KLHL5: variants seen among roughly 807,000 people sequenced by gnomAD.
KLHL5 encodes kelch like family member 5, also known as kelch-like protein 5.
In KLHL5, 48 loss-of-function variants were observed where a neutral mutation model predicts 77.7. The ratio of observed to expected loss-of-function variants is 0.62; its 90% CI spans 0.49 to 0.79. The LOEUF is 0.79. Among genes scored for constraint, KLHL5 ranks in the 30% least tolerant of loss-of-function variants. The pLI is 0.00. For synonymous variants in KLHL5, 260 were observed against 297.0 expected (o/e 0.88, Z 1.28); for missense variants, 723 against 859.7 (o/e 0.84, Z 1.99).
intron 4 of KLHL5, among the ~76,000 whole-genome samples, chr4:39,086,140 G>A (rs1720016852): frequency 1.3e-5 from 2 of 152,044 alleles, no homozygotes; most frequent in Admixed American, 1.3e-4. Context: ...AATCCAAACC[G>A]CAAATCCACC....
In KLHL5 at chr4:39,096,714, A is replaced by G; in HGVS notation, c.1136A>G (p.Asn379Ser). Residue 379 changes from asparagine to serine, a missense_variant, in exon 6 of 11, where the codon AAT (asparagine) becomes AGT (serine). Asn to Ser is a conservative substitution (Grantham distance 46). Coordinates refer to ENST00000504108, the MANE Select transcript of KLHL5 (RefSeq NM_015990.5). ...APQFLADMEN[N>S]VLFRDDIECQ... is the part of the protein sequence containing the mutation. ...TAGTTCCTGGCAGACATGGAAAATAATGTACTTTTTCGGGATGATATAGAA... is the reference window on the plus strand; with the variant it reads ...TAGTTCCTGGCAGACATGGAAAATAGTGTACTTTTTCGGGATGATATAGAA... 3 of 1,612,416 alleles carry G rather than the reference A, an allele frequency of 1.9e-6. No homozygotes were observed. Among genetic ancestry groups the G allele is most frequent in the Non-Finnish European group, 2.5e-6 (3 of 1,178,552 alleles).
At chr4:39,060,404 G>C (rs1247592469), upstream of KLHL5, among the ~76,000 whole-genome samples, 1 of 151,756 alleles carries the variant, frequency 6.6e-6, no homozygotes, top group Non-Finnish European at 1.5e-5. Flanking sequence ...CACACTCAAT[G>C]CCTATAGCAC....
At chr4:39,130,450 C>T (rs942243826), downstream of KLHL5, among the ~76,000 whole-genome samples, 26 of 152,276 alleles carry the variant, frequency 1.7e-4, no homozygotes, top group African/African-American at 5.5e-4. Context: ...CCAGTGTGGG[C>T]GTTATGGCCA....
the KLHL5 span, among the ~76,000 whole-genome samples, chr4:39,137,470 A>C: frequency 1.3e-5 from 2 of 152,106 alleles, no homozygotes; most frequent in Admixed American, 1.3e-4. Context: ...AAAATAAATA[A>C]AAAATTATCT....
intron 4 of KLHL5, among the ~76,000 whole-genome samples, chr4:39,083,599 C>T (rs1028829845): frequency 6.6e-6 from 1 of 152,098 alleles, no homozygotes; most frequent in Non-Finnish European, 1.5e-5. Context: ...TTTTTTCCCT[C>T]GGTCTTTATC....
Position 39,103,269 on chromosome 4 carries a change from CTA to C in KLHL5, c.1301-12_1301-11del, listed in dbSNP as rs772475708. 1 of 1,558,602 alleles carries C rather than the reference CTA, an allele frequency of 6.4e-7. No individual in the cohort carries two copies. The highest frequency in any genetic ancestry group is 8.8e-7 in the Non-Finnish European group (1 of 1,139,304). ...GGTATAATTTCTATTTACATAACTT[CTA>C]TATATTACTATGAAGGAGCAACAAG... On this transcript the variant is annotated splice_polypyrimidine_tract_variant and intron_variant, in intron 6 of 10. Coordinates refer to ENST00000504108, the MANE Select transcript of KLHL5 (RefSeq NM_015990.5).
chr4:39,063,117 T>A, intron 1 of KLHL5, 82 bp downstream of exon 1: 1 of 970,594 alleles, frequency 1.0e-6, no homozygotes, highest in African/African-American at 1.7e-5. Context: ...ATTTATTATT[T>A]AAAATCTGAT....
upstream of KLHL5, among the ~76,000 whole-genome samples, chr4:39,058,204 A>T (rs972339995): frequency 1.1e-4 from 17 of 152,184 alleles, no homozygotes; most frequent in African/African-American, 4.1e-4. Context: ...AGTTTGAAGA[A>T]AGTGTGTCCA....
At chr4:39,118,638 C>T (rs574631886) in intron 10 of KLHL5, among the ~76,000 whole-genome samples, 2 of 152,064 alleles carry the variant, frequency 1.3e-5, no homozygotes, top group Non-Finnish European at 1.5e-5. Flanking sequence ...CACCTATAAT[C>T]CCAGCTACTT....
chr4:39,067,087 C>T (rs566501503), intron 1 of KLHL5, among the ~76,000 whole-genome samples: 1 of 152,206 alleles, frequency 6.6e-6, no homozygotes, highest in Non-Finnish European at 1.5e-5. Flanking sequence ...AAAGTCCATA[C>T]TTTATTCACA....
chr4:39,063,677 G>A (rs1222271863), intron 1 of KLHL5: 1 of 372,846 alleles, frequency 2.7e-6, no homozygotes, highest in Admixed American at 2.6e-5. Flanking sequence ...TTAGGGAAAT[G>A]AAGGACATTC....
intron 5 of KLHL5, among the ~76,000 whole-genome samples, chr4:39,091,453 A>G (rs1720541589): frequency 8.9e-6 from 1 of 112,332 alleles, no homozygotes; most frequent in Admixed American, 1.0e-4. Flanking sequence ...ATCAAATTTT[A>G]AACCATGTGA....
At chr4:39,063,132 T>C in intron 1 of KLHL5, 97 bp downstream of exon 1, 1 of 826,222 alleles carries the variant, frequency 1.2e-6, no homozygotes, top group Non-Finnish European at 1.8e-6. Flanking sequence ...TCTGATTATA[T>C]ATGTACATCT....
intron 7 of KLHL5, among the ~76,000 whole-genome samples, chr4:39,107,050 CT>C (rs768968144): frequency 2.1e-3 from 171 of 82,606 alleles, no homozygotes; most frequent in Non-Finnish European, 3.3e-3. Context: ...TTTTTTTTTT[CT>C]TTTTTTTTTT....
intron 1 of KLHL5, among the ~76,000 whole-genome samples, chr4:39,075,218 C>G (rs1424322680): frequency 6.6e-6 from 1 of 151,950 alleles, no homozygotes; most frequent in East Asian, 1.9e-4. Context: ...GTAATCTCAG[C>G]TACTTAGGAG....
rs1209114277 is a variant in KLHL5 at position 39,125,862 on chromosome 4, C to T, written c.*4796C>T. ...AATTTTTAAAAAGCTTTATTAGCTA[C>T]ATTATGTTATGATACTTAAATGTCA... is the stretch of plus-strand genomic sequence containing the variant. On this transcript the variant is annotated 3_prime_UTR_variant, in exon 11 of 11. Coordinates refer to ENST00000504108, the MANE Select transcript of KLHL5 (RefSeq NM_015990.5). 6.6e-6 allele frequency among the ~76,000 whole-genome samples: 1 copy of T among 152,176 alleles called. No individual in the cohort carries two copies. Among genetic ancestry groups the T allele is most frequent in the East Asian group, 1.9e-4 (1 of 5,202 alleles).
At chr4:39,105,601 ATATAT>A (rs1721962980) in intron 7 of KLHL5, among the ~76,000 whole-genome samples, 1 of 151,406 alleles carries the variant, frequency 6.6e-6, no homozygotes, top group African/African-American at 2.4e-5. Flanking sequence ...CAGTATGTGT[ATATAT>A]TATATATGTA....
intron 4 of KLHL5, among the ~76,000 whole-genome samples, chr4:39,085,484 G>A (rs1448004140): frequency 6.6e-6 from 1 of 152,152 alleles, no homozygotes. Flanking sequence ...CTGAGACAGC[G>A]ATAATACATC....
intron 1 of KLHL5, among the ~76,000 whole-genome samples, chr4:39,074,322 G>T (rs1184064496): frequency 1.3e-5 from 2 of 152,170 alleles, no homozygotes; most frequent in East Asian, 1.9e-4. Flanking sequence ...ATCAGTTAAG[G>T]CACTGTTAAC....
Sources: allele counts gnomAD v4.1 joint callset (sites outside exome capture counted in the v4.1 genomes callset), GRCh38; gene constraint gnomAD v4.1.1; transcripts MANE v1.5; gene names NCBI Gene and HGNC (gene_info 2026-07-23, HGNC 2026-07-21).